The following CCDC91 variants were observed in gnomAD, a reference collection of about 807,000 sequenced individuals.
CCDC91 encodes the protein coiled-coil domain-containing protein 91.
CCDC91 carries 48 observed loss-of-function variants against 63.2 expected under a neutral mutation model. That is an observed-to-expected ratio of 0.76 (90% CI 0.60 to 0.97). The LOEUF is 0.97. Ranked by LOEUF, CCDC91 falls within the 50% of genes least tolerant of loss-of-function variation. The probability of loss-of-function intolerance (pLI) is 0.00; values close to 1 mark genes in which losing one functional copy is unlikely to be tolerated. For synonymous variants in CCDC91, 167 were observed against 165.8 expected (o/e 1.01, Z -0.06); for missense variants, 500 against 494.6 (o/e 1.01, Z -0.10).
intron 12 of CCDC91, among the ~76,000 whole-genome samples, chr12:28,499,696 A>G (rs1820114117): frequency 6.6e-6 from 1 of 152,176 alleles, no homozygotes; most frequent in Non-Finnish European, 1.5e-5. Context: ...ATGGTTGCAT[A>G]GTATTCCATG....
chr12:28,460,332 T>C (rs981778392), intron 11 of CCDC91, among the ~76,000 whole-genome samples: 1 of 152,146 alleles, frequency 6.6e-6, no homozygotes, highest in Admixed American at 6.6e-5. Flanking sequence ...CTGCTTTTTT[T>C]CCCCTCAAGT....
intron 12 of CCDC91, among the ~76,000 whole-genome samples, chr12:28,517,850 C>T (rs11836871): frequency 0.018 from 2,793 of 152,016 alleles, 45 homozygotes; most frequent in African/African-American, 0.036. Context: ...CACATCCTCA[C>T]AGCTTAGCTC....
At chr12:28,214,393 T>C (rs1305349735) in intron 1 of CCDC91, among the ~76,000 whole-genome samples, 4 of 152,030 alleles carry the variant, frequency 2.6e-5, no homozygotes, top group Non-Finnish European at 5.9e-5. Flanking sequence ...AGTACTATGA[T>C]CCAGATCCTT....
At chr12:28,330,464 T>G (rs963479605) in intron 6 of CCDC91, among the ~76,000 whole-genome samples, 3 of 140,030 alleles carry the variant, frequency 2.1e-5, no homozygotes, top group African/African-American at 5.2e-5. Context: ...GATGGGGTTG[T>G]TTTTTTTTTT....
At chr12:28,454,569 G>T (rs1333968377) in intron 11 of CCDC91, among the ~76,000 whole-genome samples, 1 of 152,138 alleles carries the variant, frequency 6.6e-6, no homozygotes, top group Admixed American at 6.6e-5. Context: ...GGGCAGGAGA[G>T]TAGGCTATAA....
intron 11 of CCDC91, among the ~76,000 whole-genome samples, chr12:28,458,328 CCTT>C (rs1483862655): frequency 5.3e-5 from 8 of 150,040 alleles, no homozygotes; most frequent in Admixed American, 4.7e-4. Context: ...GTCCTTTTTT[CCTT>C]CTATTATATT....
At chr12:28,498,251 C>A (rs947119693) in intron 12 of CCDC91, among the ~76,000 whole-genome samples, 1 of 151,514 alleles carries the variant, frequency 6.6e-6, no homozygotes, top group Admixed American at 6.6e-5. Flanking sequence ...CATACATATT[C>A]AAAAATGAAA....
chr12:28,480,717 A>G (rs1951399760), intron 11 of CCDC91, among the ~76,000 whole-genome samples: 1 of 152,028 alleles, frequency 6.6e-6, no homozygotes, highest in East Asian at 1.9e-4. Context: ...AATAAGTAAA[A>G]CACACAATTT....
At chr12:28,497,278 T>A (rs1592850953) in intron 12 of CCDC91, among the ~76,000 whole-genome samples, 1 of 151,590 alleles carries the variant, frequency 6.6e-6, no homozygotes, top group African/African-American at 2.4e-5. Context: ...CCTCTGCTAT[T>A]TTTCAACTCT....
At chr12:28,401,711 T>G (rs185755292) in intron 8 of CCDC91, among the ~76,000 whole-genome samples, 1 of 152,236 alleles carries the variant, frequency 6.6e-6, no homozygotes, top group East Asian at 1.9e-4. Context: ...CAATTCAAGA[T>G]GAGATTTGGT....
At chr12:28,369,667 TC>T (rs1452283382) in intron 7 of CCDC91, among the ~76,000 whole-genome samples, 1 of 152,194 alleles carries the variant, frequency 6.6e-6, no homozygotes. Flanking sequence ...GTAGAGGTTC[TC>T]TGTGAGGGCT....
intron 1 of CCDC91, among the ~76,000 whole-genome samples, chr12:28,204,105 T>A (rs1417624428): frequency 2.0e-5 from 3 of 152,166 alleles, no homozygotes; most frequent in Non-Finnish European, 2.9e-5. Flanking sequence ...TTTAACTGAA[T>A]GCTTATCAAG....
chr12:28,453,981 C>G (rs1462323909), intron 11 of CCDC91, among the ~76,000 whole-genome samples: 3 of 152,066 alleles, frequency 2.0e-5, no homozygotes, highest in Non-Finnish European at 2.9e-5. Context: ...GCTGATTTGT[C>G]AAGAGTCTAC....
At chr12:28,414,979 T>C (rs1215997705) in intron 8 of CCDC91, among the ~76,000 whole-genome samples, 2 of 152,184 alleles carry the variant, frequency 1.3e-5, no homozygotes, top group Non-Finnish European at 2.9e-5. Context: ...ACTCTTTCTT[T>C]CTTTGGGAAG....
intron 3 of CCDC91, 64 bp from the exon 4 acceptor site, chr12:28,305,585 C>T: frequency 1.4e-6 from 2 of 1,382,148 alleles, no homozygotes; most frequent in Non-Finnish European, 2.0e-6. Flanking sequence ...TTCCTTTCAA[C>T]CTGTTCCCTC....
chr12:28,275,891 T>C (rs1488574243), intron 3 of CCDC91, among the ~76,000 whole-genome samples: 7 of 152,120 alleles, frequency 4.6e-5, no homozygotes, highest in Non-Finnish European at 1.0e-4. Flanking sequence ...TCTCAATAGA[T>C]GCCCAAAAGG....
At chr12:28,467,448 C>T (rs1323863557) in intron 11 of CCDC91, among the ~76,000 whole-genome samples, 2 of 151,946 alleles carry the variant, frequency 1.3e-5, no homozygotes, top group Non-Finnish European at 2.9e-5. Flanking sequence ...CTGGAGCACC[C>T]AGGTATATAA....
rs190726370 is a variant in CCDC91, at chr12:28,279,019, A to G, written c.109+19577A>G. Among the ~76,000 whole-genome samples the G allele has an allele frequency of 1.9e-3, 290 of 152,156 alleles. 5 individuals carry two copies. The highest frequency in any genetic ancestry group is 0.018 in the Admixed American group (267 of 15,256). On this transcript the variant is annotated intron_variant, in intron 3 of 12. Coordinates refer to ENST00000536442, the MANE Select transcript of CCDC91 (RefSeq NM_018318.5). ...TACGATTACAATGATAATATATACT[A>G]TTAAAGATTAAATGTGTATATATGC...
chr12:28,370,590 C>T (rs1168393555), intron 7 of CCDC91, among the ~76,000 whole-genome samples: 1 of 152,172 alleles, frequency 6.6e-6, no homozygotes, highest in Non-Finnish European at 1.5e-5. Flanking sequence ...TACCCAGTTC[C>T]CAATTTGCTT....
Sources: allele counts gnomAD v4.1 joint callset (sites outside exome capture counted in the v4.1 genomes callset), GRCh38; gene constraint gnomAD v4.1.1; transcripts MANE v1.5; gene names NCBI Gene and HGNC (gene_info 2026-07-23, HGNC 2026-07-21).